The following CD96 variants were observed in gnomAD, a reference collection of about 807,000 sequenced individuals.
The protein encoded by CD96 is CD96 molecule, also known as T-cell surface protein tactile.
CD96 carries 70 observed loss-of-function variants against 71.3 expected under a neutral mutation model. The ratio of observed to expected loss-of-function variants is 0.98; its 90% confidence interval spans 0.81 to 1.20. CD96 has a LOEUF of 1.20. CD96 is among the 50% of genes most tolerant of loss of function. The pLI is 0.00. For synonymous variants in CD96, 248 were observed against 233.0 expected (o/e 1.06, Z -0.59); for missense variants, 742 against 677.5 (o/e 1.10, Z -1.06).
chr3:111,655,500 C>T (rs1189467034), downstream of CD96, among the ~76,000 whole-genome samples: 2 of 152,028 alleles, frequency 1.3e-5, no homozygotes, highest in Non-Finnish European at 2.9e-5. Context: ...TCAGGGACAA[C>T]ATATGAGAAA....
chr3:111,660,979 A>G (rs1401902777), intron 14 of CD96, among the ~76,000 whole-genome samples: 6 of 152,216 alleles, frequency 3.9e-5, no homozygotes, highest in Non-Finnish European at 5.9e-5. Flanking sequence ...TCACACCTAT[A>G]GAGACATACC....
intron 14 of CD96, among the ~76,000 whole-genome samples, chr3:111,662,677 G>A (rs917304062): frequency 1.3e-5 from 2 of 152,198 alleles, no homozygotes; most frequent in Non-Finnish European, 2.9e-5. Flanking sequence ...CTTTGCTAAA[G>A]CATAACAAAA....
At chr3:111,613,550 C>A (rs1021861452) in intron 8 of CD96, among the ~76,000 whole-genome samples, 2 of 152,190 alleles carry the variant, frequency 1.3e-5, no homozygotes, top group Admixed American at 1.3e-4. Flanking sequence ...GAAGCTGATT[C>A]AAATGATGAA....
At chr3:111,632,693 A>C (rs1472594741) in intron 10 of CD96, among the ~76,000 whole-genome samples, 1 of 152,254 alleles carries the variant, frequency 6.6e-6, no homozygotes, top group African/African-American at 2.4e-5. Flanking sequence ...AGCACTATTC[A>C]CAATAGCAAA....
chr3:111,606,392 C>G (rs919954059), intron 7 of CD96, among the ~76,000 whole-genome samples: 12 of 152,126 alleles, frequency 7.9e-5, no homozygotes, highest in African/African-American at 2.4e-4. Flanking sequence ...TTCCAGGGAG[C>G]CTTCTCAGAC....
At chr3:111,599,616 G>A (rs1467557702) in intron 6 of CD96, among the ~76,000 whole-genome samples, 1 of 152,086 alleles carries the variant, frequency 6.6e-6, no homozygotes, top group Non-Finnish European at 1.5e-5. Flanking sequence ...AGCTACTTGG[G>A]AGGCTGAGGC....
intron 2 of CD96, among the ~76,000 whole-genome samples, chr3:111,563,671 C>T (rs374361776): frequency 2.0e-5 from 3 of 152,300 alleles, no homozygotes; most frequent in Admixed American, 1.3e-4. Flanking sequence ...AGAAGTCTCT[C>T]ATTCCTACAC....
chr3:111,618,905 T>C (rs1294251873), intron 8 of CD96, among the ~76,000 whole-genome samples: 1 of 152,170 alleles, frequency 6.6e-6, no homozygotes, highest in African/African-American at 2.4e-5. Context: ...TTATTCTTTA[T>C]GCTCCACTTA....
rs1939890537 is a variant in CD96 at position 111,647,567 on chromosome 3, A to T, written c.1502A>T (p.Asp501Val). The T allele has an allele frequency of 1.9e-6, 3 of 1,612,190 alleles. No individual in the cohort carries two copies. In the South Asian group the frequency reaches 3.3e-5, roughly 18 times the overall value. Residue 501 changes from aspartate to valine, a missense_variant, in exon 13 of 14, where the codon GAT (aspartate) becomes GTT (valine). Coordinates refer to ENST00000352690, the MANE Select transcript of CD96 (RefSeq NM_005816.5). Reference protein sequence around the residue: ...ITGIVVNKPKDGMSWPVIVAA... With the variant: ...ITGIVVNKPKVGMSWPVIVAA... ...GGTATTGTGGTCAATAAGCCCAAAG[A>T]TGGAATGTCCTGGCCAGTGATTGTA...
At chr3:111,585,257 T>C (rs1936652685) in intron 4 of CD96, 66 bp from the exon 5 acceptor site, 3 of 867,646 alleles carry the variant, frequency 3.5e-6, no homozygotes, top group Non-Finnish European at 6.0e-6. Flanking sequence ...CACACACACA[T>C]ACACACACTA....
intron 8 of CD96, among the ~76,000 whole-genome samples, chr3:111,614,179 TC>T (rs921851017): frequency 2.0e-5 from 3 of 152,098 alleles, no homozygotes; most frequent in African/African-American, 7.2e-5. Flanking sequence ...TCCTCTTCCT[TC>T]CCCCAAGTGT....
intron 4 of CD96, among the ~76,000 whole-genome samples, chr3:111,584,028 C>T (rs1318921349): frequency 6.6e-6 from 1 of 152,214 alleles, no homozygotes; most frequent in Non-Finnish European, 1.5e-5. Flanking sequence ...AACTTTCATG[C>T]TCTGCTTCCC....
At chr3:111,623,854 G>A in intron 9 of CD96, 32 bp downstream of exon 9, 2 of 1,420,978 alleles carry the variant, frequency 1.4e-6, no homozygotes, top group Non-Finnish European at 2.0e-6. Context: ...TACATGATTG[G>A]AAAGAGACAA....
downstream of CD96, among the ~76,000 whole-genome samples, chr3:111,655,895 T>C (rs1940216471): frequency 6.6e-6 from 1 of 151,220 alleles, no homozygotes; most frequent in African/African-American, 2.4e-5. Flanking sequence ...CTATATATAG[T>C]TTTATATATA....
chr3:111,560,317 A>C (rs1234198116), intron 2 of CD96, among the ~76,000 whole-genome samples: 7 of 151,528 alleles, frequency 4.6e-5, no homozygotes. Flanking sequence ...TGGTCTTTAC[A>C]TTTTGGCATG....
intron 8 of CD96, among the ~76,000 whole-genome samples, chr3:111,622,195 T>G (rs1217753683): frequency 6.6e-6 from 1 of 152,174 alleles, no homozygotes; most frequent in Admixed American, 6.5e-5. Flanking sequence ...GGGCCAGGCC[T>G]GGGGAAGAAA....
chr3:111,653,766 A>AT (rs575906528), downstream of CD96, among the ~76,000 whole-genome samples: 15 of 148,824 alleles, frequency 1.0e-4, no homozygotes, highest in Middle Eastern at 3.5e-3. Context: ...TTAGGTCAAT[A>AT]TTTTTTTTTT....
chr3:111,638,287 G>A (rs1219488022), intron 12 of CD96, 119 bp downstream of exon 12: 2 of 749,988 alleles, frequency 2.7e-6, no homozygotes, highest in Non-Finnish European at 4.9e-6. Flanking sequence ...GAACACACTG[G>A]CTTTTTGAAG....
At chr3:111,615,701 T>C (rs990165518) in intron 8 of CD96, among the ~76,000 whole-genome samples, 1 of 152,176 alleles carries the variant, frequency 6.6e-6, no homozygotes, top group African/African-American at 2.4e-5. Flanking sequence ...TAGATACTGA[T>C]GTAAACAAAA....
Sources: allele counts gnomAD v4.1 joint callset (sites outside exome capture counted in the v4.1 genomes callset), GRCh38; gene constraint gnomAD v4.1.1; transcripts MANE v1.5; gene names NCBI Gene and HGNC (gene_info 2026-07-23, HGNC 2026-07-21).